The following CGNL1 variants were observed in gnomAD, a reference collection of about 807,000 sequenced individuals.
CGNL1 encodes the protein cingulin like 1.
In CGNL1, 132 loss-of-function variants were observed where a neutral mutation model predicts 141.2. The ratio of observed to expected loss-of-function variants is 0.93; its 90% CI spans 0.81 to 1.08. The LOEUF is 1.08. CGNL1 is among the 50% of genes least tolerant of loss of function. The probability of loss-of-function intolerance (pLI) is 0.00; values close to 1 mark genes in which losing one functional copy is unlikely to be tolerated. For synonymous variants in CGNL1, 690 were observed against 622.1 expected (o/e 1.11, Z -1.63); for missense variants, 1,870 against 1,588.6 (o/e 1.18, Z -3.01).
At chr15:57,422,232 C>A (rs77984679) in intron 1 of CGNL1, among the ~76,000 whole-genome samples, 1 of 112,604 alleles carries the variant, frequency 8.9e-6, no homozygotes, top group African/African-American at 3.3e-5. Flanking sequence ...TTTTTTTTTT[C>A]TTTTATTGCC....
At chr15:57,395,135 C>G (rs2062588811) in intron 1 of CGNL1, among the ~76,000 whole-genome samples, 1 of 152,090 alleles carries the variant, frequency 6.6e-6, no homozygotes, top group Non-Finnish European at 1.5e-5. Flanking sequence ...ACAAAAACCC[C>G]ACCAAACCAA....
chr15:57,492,607 A>G (rs1461275529), intron 8 of CGNL1, among the ~76,000 whole-genome samples: 1 of 152,148 alleles, frequency 6.6e-6, no homozygotes, highest in Non-Finnish European at 1.5e-5. Context: ...TAGTCCAATA[A>G]TCTTGAAGGT....
chr15:57,547,209 G>C, intron 18 of CGNL1, 146 bp from the exon 19 acceptor site: 1 of 891,868 alleles, frequency 1.1e-6, no homozygotes, highest in Non-Finnish European at 1.7e-6. Context: ...GGGGCCATCA[G>C]GTGGAGACCT....
At chr15:57,450,349 T>C (rs2063307325) in intron 4 of CGNL1, among the ~76,000 whole-genome samples, 1 of 152,236 alleles carries the variant, frequency 6.6e-6, no homozygotes, top group Admixed American at 6.5e-5. Flanking sequence ...TGATCTTGGC[T>C]CACTGCAACC....
chr15:57,386,083 C>T (rs868196014), intron 1 of CGNL1, among the ~76,000 whole-genome samples: 1 of 152,222 alleles, frequency 6.6e-6, no homozygotes, highest in South Asian at 2.1e-4. Flanking sequence ...CACAGGTGCC[C>T]CTGAGGTGGG....
chr15:57,547,218 C>T, intron 18 of CGNL1, 137 bp from the exon 19 acceptor site: 1 of 947,560 alleles, frequency 1.1e-6, no homozygotes, highest in Non-Finnish European at 1.6e-6. Context: ...AGGTGGAGAC[C>T]TGTTACATTC....
At chr15:57,527,523 G>T (rs771186651) in intron 12 of CGNL1, 1 of 152,292 alleles carries the variant, frequency 6.6e-6, no homozygotes, top group Non-Finnish European at 1.5e-5. Flanking sequence ...GACAGCCTGC[G>T]GCTTCACCAG....
intron 8 of CGNL1, among the ~76,000 whole-genome samples, chr15:57,499,238 CTTTTT>C (rs201081475): frequency 4.4e-5 from 4 of 91,844 alleles, no homozygotes; most frequent in Non-Finnish European, 6.3e-5. Context: ...AAGTTAATGG[CTTTTT>C]TTTTTTTTTT....
At chr15:57,379,046 T>G (rs79144557) in intron 1 of CGNL1, among the ~76,000 whole-genome samples, 3,450 of 144,414 alleles carry the variant, frequency 0.024, 92 homozygotes, top group African/African-American at 0.056. Flanking sequence ...CTACTGTTTT[T>G]TTTGTGTGTG....
chr15:57,472,962 A>C (rs2063601593), intron 8 of CGNL1, among the ~76,000 whole-genome samples: 1 of 152,178 alleles, frequency 6.6e-6, no homozygotes, highest in Admixed American at 6.5e-5. Flanking sequence ...CTATCTCCCC[A>C]TGTGGAGTGG....
At position 57,511,325 on chromosome 15, in the gene CGNL1, CT is replaced by C. The variant is rs541194659; in HGVS notation, c.2404-5448del. On this transcript the variant is annotated intron_variant, in intron 8 of 18. Coordinates refer to ENST00000281282, the MANE Select transcript of CGNL1 (RefSeq NM_032866.5). ...CATGCTTCTTCCTCACTTTCTTGTT[CT>C]TTTTTTCTCCCAGATGCACAAGATA... Among the ~76,000 whole-genome samples the C allele has an allele frequency of 7.2e-5, 11 of 152,234 alleles. No homozygotes were observed. In the South Asian group the frequency reaches 1.4e-3, roughly 20 times the overall value.
intron 1 of CGNL1, among the ~76,000 whole-genome samples, chr15:57,409,617 ATGT>A (rs1209622805): frequency 1.3e-5 from 2 of 152,034 alleles, no homozygotes; most frequent in Admixed American, 6.6e-5. Flanking sequence ...TCACTAACTG[ATGT>A]TGTGTGAAAG....
At chr15:57,528,305 G>A (rs559050089) in intron 12 of CGNL1, among the ~76,000 whole-genome samples, 7 of 151,620 alleles carry the variant, frequency 4.6e-5, no homozygotes, top group African/African-American at 1.2e-4. Flanking sequence ...AGGAATACAC[G>A]CATCTGCACA....
chr15:57,450,157 A>G (rs533272263), intron 4 of CGNL1, among the ~76,000 whole-genome samples: 2 of 152,320 alleles, frequency 1.3e-5, no homozygotes, highest in African/African-American at 4.8e-5. Flanking sequence ...TATCTGTATC[A>G]TGTTGCATTC....
Position 57,461,859 on chromosome 15 carries a change from G to T in CGNL1, c.2370G>T (p.Gln790His). Reference sequence around the variant, plus strand: ...AGGAGCAATATGATGCTGAGTTGCAGGCCCTGAGGGAGAGTGTGGAAGAAG... The same window carrying T: ...AGGAGCAATATGATGCTGAGTTGCATGCCCTGAGGGAGAGTGTGGAAGAAG... ...KLKEQYDAEL[Q>H]ALRESVEEAT... Residue 790 changes from glutamine to histidine, a missense_variant, in exon 8 of 19, where the codon CAG (glutamine) becomes CAT (histidine). Physicochemically the swap from Gln to His is conservative, Grantham distance 24. Coordinates refer to ENST00000281282, the MANE Select transcript of CGNL1 (RefSeq NM_032866.5). 1 of 1,613,994 alleles carries T rather than the reference G, an allele frequency of 6.2e-7. No individual in the cohort carries two copies. The highest frequency in any genetic ancestry group is 1.1e-5 in the South Asian group (1 of 91,082).
intron 2 of CGNL1, 84 bp from the exon 3 acceptor site, chr15:57,440,293 G>A: frequency 1.1e-6 from 1 of 941,620 alleles, no homozygotes; most frequent in Non-Finnish European, 1.7e-6. Flanking sequence ...CTCTAAGAAG[G>A]ATGCTCACTG....
chr15:57,451,729 C>G, intron 5 of CGNL1, 128 bp downstream of exon 5: 4 of 677,976 alleles, frequency 5.9e-6, no homozygotes, highest in Non-Finnish European at 1.0e-5. Context: ...TTCCTCTAAT[C>G]ACTGAATAAA....
rs144757918 is a variant in CGNL1, at chr15:57,546,247, G to T, written c.3773+8G>T. The stretch of plus-strand genomic sequence containing the variant: ...CATGAAGAAGGACTTAAGGTGGGCA[G>T]GTGTGGAGGCCACAGAGGGCCGGGT... On this transcript the variant is annotated splice_region_variant and intron_variant, in intron 18 of 18. Coordinates refer to ENST00000281282, the MANE Select transcript of CGNL1 (RefSeq NM_032866.5). 439 of 1,567,114 alleles carry T rather than the reference G, an allele frequency of 2.8e-4. 1 individual carries two copies. The African/African-American group carries it at 5.2e-3, about 19-fold the overall frequency.
chr15:57,448,373 G>C (rs1359201738), intron 4 of CGNL1, among the ~76,000 whole-genome samples: 1 of 152,124 alleles, frequency 6.6e-6, no homozygotes, highest in Non-Finnish European at 1.5e-5. Context: ...AAAGGGCCAG[G>C]CATGGTGGTT....
Sources: gnomAD v4.1 joint callset for allele counts (sites outside exome capture counted in the v4.1 genomes callset) on GRCh38, gnomAD v4.1.1 for gene constraint, MANE v1.5 for transcripts, NCBI Gene and HGNC (gene_info 2026-07-23, HGNC 2026-07-21) for gene names.